Variants in TRIM66 observed in about 807,000 individuals in gnomAD.
TRIM66 encodes tripartite motif-containing protein 66.
In TRIM66, 99 loss-of-function variants were observed where a neutral mutation model predicts 148.2. That is an observed-to-expected ratio of 0.67 (90% CI 0.57 to 0.79). The LOEUF is 0.79. Among genes scored for constraint, TRIM66 ranks in the 30% least tolerant of loss-of-function variants. The probability of loss-of-function intolerance (pLI) is 0.00; values close to 1 mark genes in which losing one functional copy is unlikely to be tolerated. For synonymous variants in TRIM66, 616 were observed against 635.9 expected, an observed-to-expected ratio of 0.97 and a Z score of 0.47; for missense variants, 1,666 against 1,697.9, an observed-to-expected ratio of 0.98 and a Z score of 0.33.
At chr11:8,633,580 C>T (rs2035612560) in intron 15 of TRIM66, among the ~76,000 whole-genome samples, 1 of 152,102 alleles carries the variant, frequency 6.6e-6, no homozygotes, top group South Asian at 2.1e-4. Flanking sequence ...TCTGCAGATG[C>T]TGACCAGGAC....
At chr11:8,641,968 A>C (rs2036433563) in intron 13 of TRIM66, among the ~76,000 whole-genome samples, 1 of 152,118 alleles carries the variant, frequency 6.6e-6, no homozygotes, top group African/African-American at 2.4e-5. Context: ...CTTCCTGTAC[A>C]TCCTGCAGAA....
intron 6 of TRIM66, among the ~76,000 whole-genome samples, chr11:8,652,397 C>T (rs2037434484): frequency 6.6e-6 from 1 of 152,114 alleles, no homozygotes; most frequent in African/African-American, 2.4e-5. Context: ...AAAGGCAAGG[C>T]CTCCCTGCCC....
chr11:8,625,367 A>G (rs2034720167), intron 15 of TRIM66, 139 bp from the exon 16 acceptor site: 1 of 1,109,128 alleles, frequency 9.0e-7, no homozygotes, highest in African/African-American at 1.6e-5. Context: ...GGTAGCTGCC[A>G]GGAACTCAGG....
intron 15 of TRIM66, among the ~76,000 whole-genome samples, chr11:8,632,759 C>A (rs1285576430): frequency 1.3e-5 from 2 of 152,026 alleles, no homozygotes; most frequent in Non-Finnish European, 2.9e-5. Flanking sequence ...TGTGCCTGGC[C>A]CTCACATGTT....
Position 8,620,142 on chromosome 11 carries a change from G to C in TRIM66, c.3673-18C>G. ...TCACACTTCTGCAAAATCAGAATTG[G>C]CAACAGAGTCACTTTGTTCTGGTCT... On this transcript the variant is annotated intron_variant, in intron 21 of 24. Transcript: ENST00000646038. 1 of 1,550,510 alleles carries C rather than the reference G, an allele frequency of 6.4e-7. No homozygotes were observed. The highest frequency in any genetic ancestry group is 8.7e-7 in the Non-Finnish European group (1 of 1,145,972).
chr11:8,671,831 G>T lies in TRIM66; in HGVS notation c.295C>A (p.Gln99Lys). 1 of 1,526,448 alleles carries T rather than the reference G, an allele frequency of 6.6e-7. No individual in the cohort carries two copies. Among genetic ancestry groups the T allele is most frequent in the Non-Finnish European group, 8.8e-7 (1 of 1,138,064 alleles). 94.6% of individuals were successfully genotyped at this position (1,526,448 alleles called of 1,614,324 possible). A position where few individuals can be genotyped will look rare whatever the true frequency, so the allele number is the denominator to read the frequency against. Reference protein sequence around the residue: ...LRKDCFQGLIQELGQIAKAHE... With the variant: ...LRKDCFQGLIKELGQIAKAHE... ...GCCTTGGCAATCTGCCCTAGCTCCTGTATCAAGCCCTGGAAGCAGTCCTTA... is the reference window on the plus strand; with the variant it reads ...GCCTTGGCAATCTGCCCTAGCTCCTTTATCAAGCCCTGGAAGCAGTCCTTA... Residue 99 changes from glutamine to lysine, a missense_variant, in exon 6 of 25, where the codon CAG (glutamine) becomes AAG (lysine). Coordinates refer to ENST00000646038, the MANE Select transcript of TRIM66 (RefSeq NM_001388022.1).
At chr11:8,636,215 TCTC>T (rs1352612264) in intron 15 of TRIM66, among the ~76,000 whole-genome samples, 1 of 151,786 alleles carries the variant, frequency 6.6e-6, no homozygotes, top group Non-Finnish European at 1.5e-5. Flanking sequence ...CATGATTTCA[TCTC>T]CATCCCAACC....
chr11:8,668,711 G>A (rs2038752395), intron 6 of TRIM66, among the ~76,000 whole-genome samples: 3 of 151,838 alleles, frequency 2.0e-5, no homozygotes, highest in Admixed American at 6.6e-5. Context: ...TCAGCCTCCC[G>A]AGTAGCTGGG....
At chr11:8,647,065 T>C (rs2036919388) in intron 10 of TRIM66, among the ~76,000 whole-genome samples, 1 of 133,996 alleles carries the variant, frequency 7.5e-6, no homozygotes, top group Non-Finnish European at 1.6e-5. Flanking sequence ...ATAATAAACA[T>C]ATAATTATAT....
At chr11:8,648,196 GTGA>G in intron 9 of TRIM66, 110 bp from the exon 10 acceptor site, 1 of 1,193,632 alleles carries the variant, frequency 8.4e-7, no homozygotes, top group East Asian at 2.5e-5. Context: ...CATGGAAGCT[GTGA>G]TGACTTCTAG....
At chr11:8,661,118 G>A (rs2038223718) in intron 6 of TRIM66, among the ~76,000 whole-genome samples, 1 of 152,204 alleles carries the variant, frequency 6.6e-6, no homozygotes, top group Admixed American at 6.5e-5. Context: ...AGCAATAAGT[G>A]AAGTGACGTC....
chr11:8,678,823 G>C (rs1479934927), intron 3 of TRIM66, among the ~76,000 whole-genome samples: 4 of 152,222 alleles, frequency 2.6e-5, no homozygotes, highest in Non-Finnish European at 1.5e-5. Context: ...CCAGTGAGGA[G>C]AGAAAGGAAG....
chr11:8,651,661 G>A (rs1459900049), intron 7 of TRIM66, 139 bp downstream of exon 7: 3 of 757,654 alleles, frequency 4.0e-6, no homozygotes, highest in South Asian at 1.5e-5. Flanking sequence ...TCTTCTAGAT[G>A]GATGGATGGA....
chr11:8,664,247 T>TA (rs571258214), intron 6 of TRIM66, among the ~76,000 whole-genome samples: 88 of 152,322 alleles, frequency 5.8e-4, no homozygotes, highest in African/African-American at 2.1e-3. Context: ...TGTAAATACA[T>TA]ACAGTTTTAC....
At chr11:8,627,605 C>T (rs1276958018) in intron 15 of TRIM66, among the ~76,000 whole-genome samples, 1 of 152,186 alleles carries the variant, frequency 6.6e-6, no homozygotes, top group African/African-American at 2.4e-5. Flanking sequence ...CCTAGTTTTA[C>T]ACTTGACAAA....
intron 14 of TRIM66, 114 bp downstream of exon 14, chr11:8,640,113 A>G (rs1231141324): frequency 1.9e-6 from 2 of 1,057,234 alleles, no homozygotes; most frequent in Non-Finnish European, 2.7e-6. Context: ...AGCTCAAGGC[A>G]GCCCTAAGGT....
At chr11:8,651,660 T>TG (rs2037369821) in intron 7 of TRIM66, 140 bp downstream of exon 7, 1 of 757,634 alleles carries the variant, frequency 1.3e-6, no homozygotes, top group Non-Finnish European at 2.3e-6. Flanking sequence ...TTCTTCTAGA[T>TG]GGATGGATGG....
At chr11:8,637,664 T>C (rs1428136527) in intron 15 of TRIM66, among the ~76,000 whole-genome samples, 1 of 152,208 alleles carries the variant, frequency 6.6e-6, no homozygotes, top group Non-Finnish European at 1.5e-5. Context: ...GCAGGTACAC[T>C]GAGCAACCAG....
At chr11:8,659,023 G>C (rs1250937993) in intron 6 of TRIM66, among the ~76,000 whole-genome samples, 1 of 151,878 alleles carries the variant, frequency 6.6e-6, no homozygotes, top group Non-Finnish European at 1.5e-5. Context: ...TACCCACCAG[G>C]AAGATCCAGT....
Sources: allele counts gnomAD v4.1 joint callset (sites outside exome capture counted in the v4.1 genomes callset), GRCh38; gene constraint gnomAD v4.1.1; transcripts MANE v1.5; gene names NCBI Gene and HGNC (gene_info 2026-07-23, HGNC 2026-07-21).